The following DOCK1 variants were observed in gnomAD, a reference collection of about 807,000 sequenced individuals.
DOCK1 encodes the protein dedicator of cytokinesis protein 1.
In DOCK1, 138 loss-of-function variants were observed where a neutral mutation model predicts 262.7. The ratio of observed to expected loss-of-function variants is 0.53; its 90% CI spans 0.46 to 0.61. The LOEUF is 0.61. Among genes scored for constraint, DOCK1 ranks in the 20% least tolerant of loss-of-function variants. The probability of loss-of-function intolerance (pLI) is 0.00; values close to 1 mark genes in which losing one functional copy is unlikely to be tolerated. For synonymous variants in DOCK1, 866 were observed against 867.4 expected (o/e 1.00, Z 0.03); for missense variants, 1,908 against 2,370.7 (o/e 0.80, Z 4.05).
At position 127,037,792 on chromosome 10, in the gene DOCK1, A is replaced by T. The variant is rs540128098; in HGVS notation, c.1986A>T (p.Lys662Asn). Residue 662 changes from lysine (K) to asparagine (N), a missense_variant, in exon 19 of 52, where the codon AAA (lysine) becomes AAT (asparagine). Around this residue, in one of 9 missense-constraint regions of DOCK1, gnomAD observed 294 missense variants for 439.9 expected, o/e 0.67. Transcript: ENST00000623213. Reference protein sequence around the residue: ...LLQQNLRQLMKVDGGEVVKFL... With the variant: ...LLQQNLRQLMNVDGGEVVKFL... ...AGCAGAACTTGAGGCAGCTGATGAA[A>T]GTCGATGGTGGTGAAGTAGTGAAGG... 6.3e-7 allele frequency: 1 copy of T among 1,597,932 alleles called. No homozygotes were observed. The highest frequency in any genetic ancestry group is 8.5e-7 in the Non-Finnish European group (1 of 1,172,638).
chr10:127,195,025 T>G (rs2057009984), intron 27 of DOCK1, among the ~76,000 whole-genome samples: 1 of 152,150 alleles, frequency 6.6e-6, no homozygotes, highest in South Asian at 2.1e-4. Flanking sequence ...GCACCCATTT[T>G]CTCTCCTATT....
chr10:127,094,382 C>T (rs369946803), intron 23 of DOCK1, among the ~76,000 whole-genome samples: 29 of 152,202 alleles, frequency 1.9e-4, no homozygotes, highest in African/African-American at 6.3e-4. Context: ...GGTATGCCTG[C>T]GGGTGGGGAG....
In DOCK1 at chr10:127,176,232, G is replaced by A. The variant is rs952293347; in HGVS notation, c.2847+48468G>A. ...CTGTGTGTCCCTCTGCTCATTCTGT[G>A]CCTCGCAGATATCCTTAAACCGCAC... On this transcript the variant is annotated intron_variant, in intron 27 of 51. Transcript: ENST00000623213. The surrounding 1 kb of genome is among the most constrained non-coding windows in gnomAD (Gnocchi z 4.4). 1 of 1,614,124 alleles carries A rather than the reference G, an allele frequency of 6.2e-7. No homozygotes were observed. Among genetic ancestry groups the A allele is most frequent in the Non-Finnish European group, 8.5e-7 (1 of 1,180,040 alleles).
intron 33 of DOCK1, among the ~76,000 whole-genome samples, chr10:127,362,836 TACACACACACAC>T (rs564195794): frequency 0.36 from 2,292 of 6,422 alleles, 475 homozygotes; most frequent in Middle Eastern, 0.42. Context: ...CACCCACACA[TACACACACACAC>T]ACACATGTAC....
At chr10:127,052,028 C>G (rs1407352153) in intron 21 of DOCK1, among the ~76,000 whole-genome samples, 1 of 152,024 alleles carries the variant, frequency 6.6e-6, no homozygotes, top group Non-Finnish European at 1.5e-5. Flanking sequence ...ATTGTTTAAC[C>G]TTGGGGAAGC....
rs2054976994 is a variant in DOCK1 at position 127,175,262 on chromosome 10, C to T, written c.2847+47498C>T. ...CCAACTCCTGAATGACCCCCAAGAG[C>T]ACTTTGATGGTTTCTTGGCTTGAAC... On this transcript the variant is annotated intron_variant, in intron 27 of 51. Transcript: ENST00000623213. This position sits in a 1 kb window ranked among gnomAD's most constrained non-coding sequence, Gnocchi z 6.3. The T allele has an allele frequency of 1.2e-6, 2 of 1,614,152 alleles. No homozygotes were observed. The highest frequency in any genetic ancestry group is 2.2e-5 in the East Asian group (1 of 44,880).
chr10:127,143,865 C>T (rs1338753536), intron 27 of DOCK1, among the ~76,000 whole-genome samples: 3 of 152,126 alleles, frequency 2.0e-5, no homozygotes, highest in African/African-American at 4.8e-5. Flanking sequence ...AACACATCTC[C>T]GTGTGCATAT....
chr10:127,093,600 TGCCTCA>T, intron 23 of DOCK1, among the ~76,000 whole-genome samples: 1 of 152,118 alleles, frequency 6.6e-6, no homozygotes, highest in East Asian at 1.9e-4. Context: ...GCGATCCTCC[TGCCTCA>T]GCCTTCCAAA....
chr10:127,142,191 T>C (rs571058618), intron 27 of DOCK1, among the ~76,000 whole-genome samples: 1 of 152,230 alleles, frequency 6.6e-6, no homozygotes, highest in Non-Finnish European at 1.5e-5. Flanking sequence ...CCAGACGTGC[T>C]GTGTGCACCT....
At chr10:127,243,919 C>G (rs2059347585) in intron 27 of DOCK1, among the ~76,000 whole-genome samples, 1 of 152,120 alleles carries the variant, frequency 6.6e-6, no homozygotes, top group Non-Finnish European at 1.5e-5. Context: ...GGTATCTTTT[C>G]TAGTCATTTT....
chr10:127,128,203 T>C (rs1218705938), intron 27 of DOCK1: 1 of 152,562 alleles, frequency 6.6e-6, no homozygotes, highest in Non-Finnish European at 1.5e-5. Flanking sequence ...TTTTCAAGAA[T>C]ATTTTACTAA....
intron 33 of DOCK1, among the ~76,000 whole-genome samples, chr10:127,368,748 C>T (rs919331510): frequency 3.3e-5 from 5 of 152,072 alleles, no homozygotes; most frequent in Non-Finnish European, 4.4e-5. Flanking sequence ...CCTGCCCTCC[C>T]GTGGACCGCA....
chr10:127,362,098 G>A lies in DOCK1; in HGVS notation c.3318G>A (p.Val1106=), dbSNP rs77516590. ...QHKIKFIPEM[V]GPILEMTLIP... is the part of the protein sequence containing the mutation. ...AGATAAAGTTCATTCCAGAAATGGT[G>A]GGCCCAATATTAGAAATGACATTAA... Residue 1106 remains valine (V), a synonymous_variant, in exon 33 of 52, where the codon GTG becomes GTA. Coordinates refer to ENST00000623213, the MANE Select transcript of DOCK1 (RefSeq NM_001290223.2). The A allele has an allele frequency of 2.1e-4, 342 of 1,613,100 alleles. 1 individual carries two copies. The African/African-American group carries it at 3.9e-3, about 18-fold the overall frequency.
intron 23 of DOCK1, among the ~76,000 whole-genome samples, chr10:127,096,851 A>C (rs368514241): frequency 1.3e-5 from 2 of 152,126 alleles, no homozygotes; most frequent in African/African-American, 4.8e-5. Context: ...TCACCCCTGT[A>C]ATCTCAGCAC....
At chr10:127,404,703 T>TA (rs1461673566) in intron 40 of DOCK1, among the ~76,000 whole-genome samples, 1 of 152,266 alleles carries the variant, frequency 6.6e-6, no homozygotes, top group East Asian at 1.9e-4. Context: ...TGATATGTGA[T>TA]ACTATTTGCC....
At chr10:126,921,631 TGAGA>T (rs111287513) in intron 1 of DOCK1, among the ~76,000 whole-genome samples, 18,304 of 151,030 alleles carry the variant, frequency 0.12, 1,266 homozygotes, top group African/African-American at 0.2. Context: ...TGAGGACGGG[TGAGA>T]GAGAGAGAGA....
chr10:127,394,033 G>T (rs1178164964), intron 38 of DOCK1, among the ~76,000 whole-genome samples: 1 of 151,958 alleles, frequency 6.6e-6, no homozygotes, highest in Admixed American at 6.6e-5. Context: ...ATTGTGTTTG[G>T]TTGAGGCCTA....
At chr10:127,060,278 A>G (rs2135811518) in intron 22 of DOCK1, among the ~76,000 whole-genome samples, 1 of 152,276 alleles carries the variant, frequency 6.6e-6, no homozygotes. Flanking sequence ...GCACCAGTCT[A>G]CCAGGTGTTC....
At chr10:127,026,582 TC>T (rs774868036) in intron 16 of DOCK1, 158 bp downstream of exon 16, 71 of 715,414 alleles carry the variant, frequency 9.9e-5, no homozygotes, top group Non-Finnish European at 1.5e-4. Flanking sequence ...TTCTCTCTTT[TC>T]CTTGAGCAGA....
Sources: gnomAD v4.1 joint callset for allele counts (sites outside exome capture counted in the v4.1 genomes callset) on GRCh38, gnomAD v4.1.1 for gene constraint, gnomAD v4.1.1 regional missense constraint, Gnocchi (gnomAD v3.1) non-coding constraint, MANE v1.5 for transcripts, NCBI Gene and HGNC (gene_info 2026-07-23, HGNC 2026-07-21) for gene names.